Variants in CATSPERB observed in about 807,000 individuals in gnomAD.
The protein encoded by CATSPERB is cation channel sperm-associated auxiliary subunit beta.
Under a neutral mutation model 128.3 loss-of-function variants are expected in CATSPERB, and 93 were observed. The observed-to-expected ratio is 0.72, with a 90% CI of 0.61 to 0.86. CATSPERB has a LOEUF of 0.86. Ranked by LOEUF, CATSPERB falls within the 40% of genes least tolerant of loss-of-function variation. The pLI, the probability that CATSPERB is intolerant of heterozygous loss-of-function variation, is 0.00. For missense variants in CATSPERB, 1,153 were observed against 1,329.5 expected, an observed-to-expected ratio of 0.87 and a Z score of 2.06; for synonymous variants, 381 against 448.8, an observed-to-expected ratio of 0.85 and a Z score of 1.91.
At chr14:91,606,288 T>A (rs753948483) in intron 22 of CATSPERB, among the ~76,000 whole-genome samples, 1 of 151,818 alleles carries the variant, frequency 6.6e-6, no homozygotes, top group African/African-American at 2.4e-5. Flanking sequence ...TTGGGGTGGG[T>A]GCAGTGGCTC....
intron 6 of CATSPERB, among the ~76,000 whole-genome samples, chr14:91,705,834 G>A (rs566489582): frequency 2.0e-5 from 3 of 152,168 alleles, no homozygotes; most frequent in African/African-American, 4.8e-5. Context: ...TCGAAAGAAC[G>A]TCATCAGACA....
chr14:91,626,454 G>A (rs1222489407), intron 17 of CATSPERB, among the ~76,000 whole-genome samples: 1 of 150,028 alleles, frequency 6.7e-6, no homozygotes, highest in Non-Finnish European at 1.5e-5. Context: ...AACCTGAGAG[G>A]TGGGACTTTT....
chr14:91,713,010 C>T (rs535227366), intron 5 of CATSPERB, among the ~76,000 whole-genome samples: 34 of 152,158 alleles, frequency 2.2e-4, no homozygotes, highest in African/African-American at 6.7e-4. Context: ...TGAGGTTATT[C>T]GAGGATCTGC....
At chr14:91,714,064 C>T (rs1895889065) in intron 5 of CATSPERB, among the ~76,000 whole-genome samples, 1 of 151,922 alleles carries the variant, frequency 6.6e-6, no homozygotes, top group Non-Finnish European at 1.5e-5. Flanking sequence ...TTATAATCAT[C>T]TCAATAGATG....
At chr14:91,730,070 G>C (rs182259658) in intron 1 of CATSPERB, among the ~76,000 whole-genome samples, 39 of 152,240 alleles carry the variant, frequency 2.6e-4, no homozygotes, top group Admixed American at 2.4e-3. Flanking sequence ...ACGTGTATAA[G>C]CATCCATTAT....
At chr14:91,635,291 G>A (rs1894351882) in intron 17 of CATSPERB, among the ~76,000 whole-genome samples, 1 of 151,978 alleles carries the variant, frequency 6.6e-6, no homozygotes, top group Non-Finnish European at 1.5e-5. Context: ...TGAGTTTCTG[G>A]TAATCTGAAA....
Position 91,589,677 on chromosome 14 carries a change from A to G in CATSPERB, c.2821-8T>C, listed in dbSNP as rs544165334. 5.6e-6 allele frequency: 9 copies of G among 1,609,380 alleles called. No individual in the cohort carries two copies. Among genetic ancestry groups the G allele is most frequent in the Middle Eastern group, 3.3e-4 (2 of 6,050 alleles). ...AAACTTAAAGCGAGGAACCTAAAAT[A>G]CAAATTCCAAGAATGAATGTAAACT... On this transcript the variant is annotated splice_region_variant and splice_polypyrimidine_tract_variant and intron_variant, in intron 23 of 26. Transcript: ENST00000256343.
chr14:91,691,944 C>T (rs546429561), intron 9 of CATSPERB, among the ~76,000 whole-genome samples: 8 of 152,110 alleles, frequency 5.3e-5, no homozygotes, highest in East Asian at 1.9e-4. Flanking sequence ...TTTGGGAGGC[C>T]GCGATAGGCG....
At chr14:91,629,232 A>G (rs1894225973) in intron 17 of CATSPERB, among the ~76,000 whole-genome samples, 1 of 152,206 alleles carries the variant, frequency 6.6e-6, no homozygotes, top group Non-Finnish European at 1.5e-5. Flanking sequence ...GACATGGAGG[A>G]AATTTAGATG....
chr14:91,683,978 T>C lies in CATSPERB; in HGVS notation c.865-35A>G, dbSNP rs749717664. The C allele has an allele frequency of 5.0e-5, 71 of 1,411,070 alleles. No individual in the cohort carries two copies. The East Asian group carries it at 1.4e-3, about 28-fold the overall frequency. 87.4% of individuals were successfully genotyped at this position (1,411,070 alleles called of 1,614,324 possible). A position where few individuals can be genotyped will look rare whatever the true frequency, so the allele number is the denominator to read the frequency against. On this transcript the variant is annotated intron_variant, in intron 10 of 26. Transcript: ENST00000256343. Reference sequence around the variant, plus strand: ...TAAATAAAATATCACTTAGCCAATATGTAGACTTAAGATATCTTAAGATAT... The same window carrying C: ...TAAATAAAATATCACTTAGCCAATACGTAGACTTAAGATATCTTAAGATAT...
intron 6 of CATSPERB, among the ~76,000 whole-genome samples, chr14:91,706,599 G>A (rs1198785462): frequency 6.6e-6 from 1 of 152,118 alleles, no homozygotes; most frequent in Non-Finnish European, 1.5e-5. Flanking sequence ...ACAAATGAGT[G>A]GTTTGGGGTG....
intron 23 of CATSPERB, among the ~76,000 whole-genome samples, chr14:91,590,399 T>C (rs935597591): frequency 6.6e-6 from 1 of 152,106 alleles, no homozygotes; most frequent in Non-Finnish European, 1.5e-5. Context: ...GGCATAGTGG[T>C]GGGCACCTAT....
At chr14:91,591,714 C>A (rs2139760252) in intron 23 of CATSPERB, among the ~76,000 whole-genome samples, 178 bp downstream of exon 23, 1 of 152,140 alleles carries the variant, frequency 6.6e-6, no homozygotes, top group Admixed American at 6.6e-5. Context: ...CGATGAGGTT[C>A]ATTAACTTGC....
Position 91,606,091 on chromosome 14 carries a change from G to A in CATSPERB, c.2709+2203C>T, listed in dbSNP as rs537938915. ...CTTGGGAGGCTGAGGCAGGAGAATC[G>A]CTTGAACCCAGGATGTGGAGGTTGC... On this transcript the variant is annotated intron_variant, in intron 22 of 26. Transcript: ENST00000256343. Among the ~76,000 whole-genome samples, 11 of 152,108 alleles carry A rather than the reference G, an allele frequency of 7.2e-5. No homozygotes were observed. The East Asian group carries it at 1.7e-3, about 24-fold the overall frequency.
chr14:91,704,263 G>A (rs1895699761), intron 7 of CATSPERB, among the ~76,000 whole-genome samples: 1 of 152,154 alleles, frequency 6.6e-6, no homozygotes, highest in Non-Finnish European at 1.5e-5. Context: ...AGGAATAGCA[G>A]ATAATCTCTG....
chr14:91,602,980 CTT>C (rs1312361444), intron 22 of CATSPERB, among the ~76,000 whole-genome samples: 4 of 152,158 alleles, frequency 2.6e-5, no homozygotes, highest in Admixed American at 6.6e-5. Flanking sequence ...CATCACCTCT[CTT>C]TTCCAATTCC....
chr14:91,698,132 G>T (rs1243926597), intron 7 of CATSPERB, among the ~76,000 whole-genome samples: 1 of 152,040 alleles, frequency 6.6e-6, no homozygotes, highest in East Asian at 1.9e-4. Flanking sequence ...TGTGTGTGGT[G>T]GGGGGTATTG....
chr14:91,668,184 G>A (rs976549456), intron 14 of CATSPERB, among the ~76,000 whole-genome samples: 1 of 152,212 alleles, frequency 6.6e-6, no homozygotes, highest in Non-Finnish European at 1.5e-5. Context: ...ATTGAGAGGT[G>A]AAGCCAGCTG....
intron 7 of CATSPERB, among the ~76,000 whole-genome samples, chr14:91,702,515 C>A (rs1308681926): frequency 6.6e-6 from 1 of 151,742 alleles, no homozygotes; most frequent in Non-Finnish European, 1.5e-5. Flanking sequence ...CTGATGCATA[C>A]TGTTTTAATC....
Sources: gnomAD v4.1 joint callset for allele counts (sites outside exome capture counted in the v4.1 genomes callset) on GRCh38, gnomAD v4.1.1 for gene constraint, MANE v1.5 for transcripts, NCBI Gene and HGNC (gene_info 2026-07-23, HGNC 2026-07-21) for gene names.